The following ASB4 variants were observed in gnomAD, a reference collection of about 807,000 sequenced individuals.
ASB4 encodes ankyrin repeat and SOCS box containing 4, also known as ankyrin repeat and SOCS box protein 4.
Under a neutral mutation model 38.6 loss-of-function variants are expected in ASB4, and 35 were observed. The ratio of observed to expected loss-of-function variants is 0.91; its 90% CI spans 0.69 to 1.20. The LOEUF is 1.20. ASB4 is among the 50% of genes most tolerant of loss of function. The pLI is 0.00. For missense variants in ASB4, 557 were observed against 527.2 expected (o/e 1.06, Z -0.55); for synonymous variants, 195 against 201.3 (o/e 0.97, Z 0.26).
chr7:95,501,148 A>C (rs750547646), intron 2 of ASB4, among the ~76,000 whole-genome samples: 4 of 152,136 alleles, frequency 2.6e-5, no homozygotes, highest in Admixed American at 1.3e-4. Flanking sequence ...TTTTTGTCTC[A>C]CTTTTCGTAA....
At chr7:95,531,193 C>T (rs1790815281) in intron 3 of ASB4, among the ~76,000 whole-genome samples, 1 of 152,180 alleles carries the variant, frequency 6.6e-6, no homozygotes. Flanking sequence ...GAGTCTCTTT[C>T]CCAGTTCCTC....
intron 1 of ASB4, 76 bp from the exon 2 acceptor site, chr7:95,495,682 A>C: frequency 7.0e-7 from 1 of 1,434,598 alleles, no homozygotes; most frequent in Non-Finnish European, 9.4e-7. Flanking sequence ...AATACTTGTA[A>C]AAATCCTCAC....
At chr7:95,505,171 G>A (rs1790390730) in intron 2 of ASB4, among the ~76,000 whole-genome samples, 1 of 152,148 alleles carries the variant, frequency 6.6e-6, no homozygotes, top group Admixed American at 6.5e-5. Flanking sequence ...AAGCAAAATG[G>A]CCGTTATTTA....
At chr7:95,517,990 G>T (rs1206959267) in intron 2 of ASB4, among the ~76,000 whole-genome samples, 1 of 152,176 alleles carries the variant, frequency 6.6e-6, no homozygotes, top group Non-Finnish European at 1.5e-5. Context: ...ATGTTCTACT[G>T]CTGGGTGTAT....
At chr7:95,526,051 G>A (rs1790732142) in intron 2 of ASB4, among the ~76,000 whole-genome samples, 1 of 152,138 alleles carries the variant, frequency 6.6e-6, no homozygotes, top group Non-Finnish European at 1.5e-5. Context: ...CTAACAAAAT[G>A]CAATGTTATC....
chr7:95,471,135 A>T, the ASB4 span, among the ~76,000 whole-genome samples: 1 of 152,106 alleles, frequency 6.6e-6, no homozygotes, highest in East Asian at 1.9e-4. Context: ...TCTAATGTCC[A>T]TATCCTGCAC....
rs1419895084 is a variant in ASB4 at position 95,539,124 on chromosome 7, A to AT, written c.*1371dup. 6.6e-6 allele frequency: 1 copy of AT among 151,806 alleles called. No individual in the cohort carries two copies. Among genetic ancestry groups the AT allele is most frequent in the African/African-American group, 2.4e-5 (1 of 41,308 alleles). 9.4% of individuals were successfully genotyped at this position (151,806 alleles called of 1,614,324 possible). ...AGATAAGCTCATTGCTCTTAGCATC[A>AT]TTTTTTAGAGGTTAAAGCAGAAGTA... On this transcript the variant is annotated 3_prime_UTR_variant, in exon 5 of 5. Coordinates refer to ENST00000325885, the MANE Select transcript of ASB4 (RefSeq NM_016116.3).
At chr7:95,533,917 A>G (rs1790853291) in intron 3 of ASB4, among the ~76,000 whole-genome samples, 1 of 152,174 alleles carries the variant, frequency 6.6e-6, no homozygotes, top group Admixed American at 6.5e-5. Flanking sequence ...GTAGGTAATG[A>G]TCCTCTATCT....
Position 95,486,114 on chromosome 7 carries a change from T to C in ASB4, c.143T>C (p.Phe48Ser), listed in dbSNP as rs770339954. The C allele has an allele frequency of 1.9e-5, 31 of 1,614,010 alleles. 1 individual carries two copies. The South Asian group carries it at 3.1e-4, about 16-fold the overall frequency. The change falls in exon 1 of 5, where the codon TTT becomes TCT. Residue 48 changes from phenylalanine to serine, a missense_variant. By Grantham distance (155) the Phe-to-Ser change is radical. Coordinates refer to ENST00000325885, the MANE Select transcript of ASB4 (RefSeq NM_016116.3). ...AGGCAAATAGATGTGGACACTGTTTTTGAAGTCGAAGATGAGAATATGGTT... is the reference window on the plus strand; with the variant it reads ...AGGCAAATAGATGTGGACACTGTTTCTGAAGTCGAAGATGAGAATATGGTT... Reference protein sequence around the residue: ...IQRQIDVDTVFEVEDENMVLA... With the variant: ...IQRQIDVDTVSEVEDENMVLA...
At chr7:95,501,265 C>G (rs1321768010) in intron 2 of ASB4, among the ~76,000 whole-genome samples, 3 of 152,146 alleles carry the variant, frequency 2.0e-5, no homozygotes, top group African/African-American at 7.2e-5. Context: ...TCAAATGTTT[C>G]TTAGCAGAAT....
downstream of ASB4, among the ~76,000 whole-genome samples, chr7:95,541,123 T>C (rs572386511): frequency 5.9e-5 from 9 of 152,274 alleles, no homozygotes; most frequent in African/African-American, 2.2e-4. Flanking sequence ...AGTTAGGTGT[T>C]TGGAGGTTTG....
At chr7:95,540,846 G>T (rs944753187), downstream of ASB4, among the ~76,000 whole-genome samples, 2 of 152,182 alleles carry the variant, frequency 1.3e-5, no homozygotes, top group African/African-American at 4.8e-5. Context: ...TAAAAACACA[G>T]TAGTCGAACG....
chr7:95,547,571 C>G, the ASB4 span, among the ~76,000 whole-genome samples: 2 of 152,134 alleles, frequency 1.3e-5, no homozygotes, highest in Non-Finnish European at 2.9e-5. Context: ...TTATTTCCAG[C>G]TTAGGGTAAT....
chr7:95,535,273 A>T (rs1790874742), intron 3 of ASB4, among the ~76,000 whole-genome samples: 1 of 152,216 alleles, frequency 6.6e-6, no homozygotes, highest in Non-Finnish European at 1.5e-5. Flanking sequence ...TTTGCTCAAC[A>T]GTAATAGGTT....
chr7:95,515,172 TCTTTCTTTCTTTC>T (rs1166685592), intron 2 of ASB4, among the ~76,000 whole-genome samples: 2 of 46,164 alleles, frequency 4.3e-5, no homozygotes, highest in African/African-American at 1.9e-4. Context: ...TCTTTCTCTT[TCTTTCTTTCTTTC>T]TTTCTTTCTT....
At chr7:95,500,894 C>A (rs767602746) in intron 2 of ASB4, among the ~76,000 whole-genome samples, 19 of 152,114 alleles carry the variant, frequency 1.2e-4, no homozygotes, top group Non-Finnish European at 2.6e-4. Context: ...GCTTTTGCAG[C>A]CTCCCACTTA....
rs200892706 is a variant in ASB4, at chr7:95,495,764, G to C, written c.194G>C (p.Trp65Ser). Reference protein sequence around the residue: ...MVLASYKQGYWLPSYKLKSSW... With the variant: ...MVLASYKQGYSLPSYKLKSSW... ...TTTTTTTTTTTTTTTTCAGGTTACT[G>C]GTTGCCTAGCTATAAATTGAAGTCT... The change falls in exon 2 of 5, where the codon TGG becomes TCG. Residue 65 changes from tryptophan to serine, a missense_variant. Coordinates refer to ENST00000325885, the MANE Select transcript of ASB4 (RefSeq NM_016116.3). 4.3e-5 allele frequency: 67 copies of C among 1,558,754 alleles called. No individual in the cohort carries two copies. The East Asian group carries it at 1.2e-3, about 28-fold the overall frequency.
intron 2 of ASB4, among the ~76,000 whole-genome samples, chr7:95,512,138 G>C (rs1406654400): frequency 6.6e-6 from 1 of 152,180 alleles, no homozygotes; most frequent in Non-Finnish European, 1.5e-5. Context: ...TATTAGACCA[G>C]GGGTGGTGTT....
At chr7:95,493,946 T>A (rs894934055) in intron 1 of ASB4, among the ~76,000 whole-genome samples, 3 of 152,232 alleles carry the variant, frequency 2.0e-5, no homozygotes, top group Admixed American at 2.0e-4. Flanking sequence ...GGAGGTTGTT[T>A]AACCATTCGA....
Sources: allele counts gnomAD v4.1 joint callset (sites outside exome capture counted in the v4.1 genomes callset), GRCh38; gene constraint gnomAD v4.1.1; transcripts MANE v1.5; gene names NCBI Gene and HGNC (gene_info 2026-07-23, HGNC 2026-07-21).